The following AFAP1L2 variants were observed in gnomAD, a reference collection of about 807,000 sequenced individuals.
The protein encoded by AFAP1L2 is actin filament-associated protein 1-like 2.
A neutral mutation model predicts 99.3 loss-of-function variants in AFAP1L2; 46 were observed. The observed-to-expected ratio is 0.46, with a 90% CI of 0.37 to 0.59. The LOEUF (loss-of-function observed/expected upper bound fraction) is 0.59, where lower values mean the gene tolerates loss of function less well. Ranked by LOEUF, AFAP1L2 falls within the 20% of genes least tolerant of loss-of-function variation. The pLI, the probability that AFAP1L2 is intolerant of heterozygous loss-of-function variation, is 0.00. For missense variants in AFAP1L2, 959 were observed against 1,034.9 expected, an observed-to-expected ratio of 0.93 and a Z score of 1.01; for synonymous variants, 397 against 419.1, an observed-to-expected ratio of 0.95 and a Z score of 0.64.
At chr10:114,375,196 G>A (rs929711863) in intron 1 of AFAP1L2, among the ~76,000 whole-genome samples, 4 of 152,078 alleles carry the variant, frequency 2.6e-5, no homozygotes, top group African/African-American at 7.2e-5. Context: ...CAACTTTGGC[G>A]TCCATAGATA....
At chr10:114,305,125 G>A in intron 10 of AFAP1L2, 195 bp from the exon 11 acceptor site, 1 of 578,300 alleles carries the variant, frequency 1.7e-6, no homozygotes, top group Non-Finnish European at 3.1e-6. Context: ...GGCTGCAGGA[G>A]GGGACGCAGA....
chr10:114,318,885 G>A (rs540057383), intron 5 of AFAP1L2, among the ~76,000 whole-genome samples: 1 of 152,246 alleles, frequency 6.6e-6, no homozygotes, highest in South Asian at 2.1e-4. Context: ...CAGGCATGGT[G>A]GCTCATGCCT....
chr10:114,281,993 A>G, the AFAP1L2 span, among the ~76,000 whole-genome samples: 2 of 147,692 alleles, frequency 1.4e-5, no homozygotes, highest in African/African-American at 2.5e-5. Context: ...CCTAATTTCA[A>G]ATGTGATAGC....
intron 1 of AFAP1L2, among the ~76,000 whole-genome samples, chr10:114,356,507 T>A (rs2051411054): frequency 6.6e-6 from 1 of 152,248 alleles, no homozygotes; most frequent in Non-Finnish European, 1.5e-5. Flanking sequence ...ATTAACTTCA[T>A]CTATTTTTCA....
At chr10:114,318,033 C>T (rs2044424111) in intron 5 of AFAP1L2, among the ~76,000 whole-genome samples, 1 of 152,188 alleles carries the variant, frequency 6.6e-6, no homozygotes, top group South Asian at 2.1e-4. Context: ...GCTGGATAAA[C>T]TCCCTAAGGT....
chr10:114,297,341 C>G lies in AFAP1L2; in HGVS notation c.2186G>C (p.Arg729Thr). 1.2e-6 allele frequency: 2 copies of G among 1,613,908 alleles called. No homozygotes were observed. Among genetic ancestry groups the G allele is most frequent in the Non-Finnish European group, 1.7e-6 (2 of 1,180,042 alleles). Residue 729 changes from arginine (R) to threonine (T), a missense_variant, in exon 17 of 19, where the codon AGG (arginine) becomes ACG (threonine). Around this residue, in one of 2 missense-constraint regions of AFAP1L2, gnomAD observed 576 missense variants for 562.1 expected, o/e 1.02. Coordinates refer to ENST00000304129, the MANE Select transcript of AFAP1L2 (RefSeq NM_001001936.3). The part of the protein sequence containing the change: ...IDEECRGEES[R>T]RVDLELSIME... ...GATGCTGAGCTCCAGGTCCACGCGC[C>G]TGCTCTCCTCGCCCCGGCACTCCTC...
chr10:114,368,138 G>T (rs545087853), intron 1 of AFAP1L2, among the ~76,000 whole-genome samples: 1 of 152,328 alleles, frequency 6.6e-6, no homozygotes, highest in East Asian at 1.9e-4. Flanking sequence ...TTAAAAAGAA[G>T]GAAATCCTGC....
At position 114,340,841 on chromosome 10, in the gene AFAP1L2, G is replaced by A. The variant is rs116176986; in HGVS notation, c.17-110C>T. The A allele has an allele frequency of 1.2e-3, 1,744 of 1,513,010 alleles. 22 individuals carry two copies. The African/African-American group carries it at 0.021, about 19-fold the overall frequency. 93.7% of individuals were successfully genotyped at this position (1,513,010 alleles called of 1,614,324 possible). A position where few individuals can be genotyped will look rare whatever the true frequency, so the allele number is the denominator to read the frequency against. Reference sequence around the variant, plus strand: ...CCCACCTCGAACCCTCTGGTCCCAAGAGGAAGGGTTTGGTGTGAGGTCTGG... The same window carrying A: ...CCCACCTCGAACCCTCTGGTCCCAAAAGGAAGGGTTTGGTGTGAGGTCTGG... On this transcript the variant is annotated intron_variant, in intron 1 of 18. Transcript: ENST00000304129.
chr10:114,302,056 A>G, intron 12 of AFAP1L2: 1 of 404,420 alleles, frequency 2.5e-6, no homozygotes. Flanking sequence ...AGGTCAGGAA[A>G]GGTGACAGCT....
chr10:114,322,597 G>A (rs1036473994), intron 5 of AFAP1L2, among the ~76,000 whole-genome samples: 3 of 152,172 alleles, frequency 2.0e-5, no homozygotes, highest in African/African-American at 7.2e-5. Context: ...TCCTGCAGAA[G>A]CCCAGCTCCT....
intron 1 of AFAP1L2, chr10:114,398,753 C>G (rs1464365204): frequency 1.7e-6 from 2 of 1,154,154 alleles, no homozygotes; most frequent in Non-Finnish European, 2.3e-6. Context: ...TCTCCCTCAA[C>G]CATCCACCCA....
In AFAP1L2 at chr10:114,295,687, T is replaced by C. The variant is rs1386755216; in HGVS notation, c.*355A>G. 1.9e-6 allele frequency: 2 copies of C among 1,045,830 alleles called. No homozygotes were observed. The highest frequency in any genetic ancestry group is 3.4e-5 in the African/African-American group (2 of 58,676). 64.8% of individuals were successfully genotyped at this position (1,045,830 alleles called of 1,614,324 possible). On this transcript the variant is annotated 3_prime_UTR_variant, in exon 19 of 19. Coordinates refer to ENST00000304129, the MANE Select transcript of AFAP1L2 (RefSeq NM_001001936.3). ...ACCCATAAGACAGGGCCCTGCTTCC[T>C]TGATTCATCTTCCACCAAAGTCTAA...
At chr10:114,373,616 T>C (rs2054417067) in intron 1 of AFAP1L2, among the ~76,000 whole-genome samples, 1 of 151,736 alleles carries the variant, frequency 6.6e-6, no homozygotes, top group Non-Finnish European at 1.5e-5. Context: ...CAGAGACAGA[T>C]TCTGTCTCAA....
intron 4 of AFAP1L2, among the ~76,000 whole-genome samples, chr10:114,328,016 G>C (rs1364353197): frequency 6.6e-6 from 1 of 152,224 alleles, no homozygotes; most frequent in Non-Finnish European, 1.5e-5. Context: ...GCATGGCCAG[G>C]CCTCAGAGGG....
intron 1 of AFAP1L2, among the ~76,000 whole-genome samples, chr10:114,352,479 T>TAAAAGAAAAAAAA (rs2050671344): frequency 1.4e-5 from 1 of 71,372 alleles, no homozygotes; most frequent in Non-Finnish European, 2.4e-5. Flanking sequence ...GTCTCCAAAT[T>TAAAAGAAAAAAAA]AAAAAAAAAA....
intron 7 of AFAP1L2, 74 bp from the exon 8 acceptor site, chr10:114,310,517 G>C (rs961860555): frequency 5.3e-5 from 73 of 1,375,392 alleles, no homozygotes; most frequent in Middle Eastern, 1.9e-4. Context: ...TGAAGCCAGG[G>C]CCCCTGCAGG....
intron 1 of AFAP1L2, among the ~76,000 whole-genome samples, chr10:114,355,231 A>G (rs1381103796): frequency 6.7e-6 from 1 of 149,534 alleles, no homozygotes; most frequent in African/African-American, 2.5e-5. Flanking sequence ...CCTCCCCCAC[A>G]GAAGCCTTTC....
At chr10:114,398,897 C>A (rs2138360640) in intron 1 of AFAP1L2, 2 of 1,304,350 alleles carry the variant, frequency 1.5e-6, no homozygotes, top group Non-Finnish European at 1.0e-6. Flanking sequence ...GACAGCAACA[C>A]CCCTGTGCTG....
At chr10:114,398,946 G>C (rs1190375263) in intron 1 of AFAP1L2, 1 of 1,299,388 alleles carries the variant, frequency 7.7e-7, no homozygotes, top group Non-Finnish European at 1.0e-6. Context: ...GAAAGCCAAG[G>C]GTGGCCACTG....
Sources: gnomAD v4.1 joint callset for allele counts (sites outside exome capture counted in the v4.1 genomes callset) on GRCh38, gnomAD v4.1.1 for gene constraint, gnomAD v4.1.1 regional missense constraint, MANE v1.5 for transcripts, NCBI Gene and HGNC (gene_info 2026-07-23, HGNC 2026-07-21) for gene names.